NID2: variants seen among roughly 807,000 people sequenced by gnomAD.
NID2 encodes the protein nidogen-2.
Under a neutral mutation model 145.4 loss-of-function variants are expected in NID2, and 83 were observed. The observed-to-expected ratio is 0.57, with a 90% CI of 0.48 to 0.69. The LOEUF is 0.69. Among genes scored for constraint, NID2 ranks in the 30% least tolerant of loss-of-function variants. The pLI, the probability that NID2 is intolerant of heterozygous loss-of-function variation, is 0.00. For missense variants in NID2, 1,807 were observed against 1,765.7 expected, an observed-to-expected ratio of 1.02 and a Z score of -0.42; for synonymous variants, 739 against 701.3, an observed-to-expected ratio of 1.05 and a Z score of -0.85.
intron 5 of NID2, among the ~76,000 whole-genome samples, chr14:52,048,226 C>T (rs915416870): frequency 2.6e-5 from 4 of 152,208 alleles, no homozygotes; most frequent in Admixed American, 2.0e-4. Flanking sequence ...TTTGGGCATC[C>T]ATCCACAAGA....
In NID2 at chr14:52,042,339, G is replaced by A. The variant is rs565384688; in HGVS notation, c.1591C>T (p.Arg531Ter). 6 of 1,610,226 alleles carry A rather than the reference G, an allele frequency of 3.7e-6. No homozygotes were observed. The African/African-American group carries it at 4.0e-5, about 11-fold the overall frequency. Residue 531 changes from arginine to a stop codon, truncating the protein, a stop_gained, in exon 7 of 22, where the codon CGA becomes TGA. Coordinates refer to ENST00000216286, the MANE Select transcript of NID2 (RefSeq NM_007361.4). LOFTEE classifies it high-confidence loss of function. ...TGGCCACTCACTTTCCCATTCACTC[G>A]GTGAGGTGCCCCTAAAAGACAGCAA... Reference protein sequence around the residue: ...KHCLPEGAPHRVNGKVSGHLH... With the variant: ...KHCLPEGAPH
intron 1 of NID2, 68 bp downstream of exon 1, chr14:52,068,699 A>G: frequency 7.2e-7 from 1 of 1,396,566 alleles, no homozygotes; most frequent in African/African-American, 1.4e-5. Flanking sequence ...CTCTGGAGGC[A>G]GGGTTTCCGT....
rs769405172 is a variant in NID2 at position 52,042,901 on chromosome 14, G to T, written c.1460C>A (p.Thr487Asn). The T allele has an allele frequency of 6.2e-7, 1 of 1,614,188 alleles. No homozygotes were observed. Among genetic ancestry groups the T allele is most frequent in the Non-Finnish European group, 8.5e-7 (1 of 1,180,034 alleles). ...VFTYNAANKETCEHNHRQCSR... is the reference protein window; with the variant it reads ...VFTYNAANKENCEHNHRQCSR... ...GCATTGTCTGTGGTTGTGTTCACAGGTTTCCTTGTTGGCAGCATTATACGT... is the reference window on the plus strand; with the variant it reads ...GCATTGTCTGTGGTTGTGTTCACAGTTTTCCTTGTTGGCAGCATTATACGT... The change falls in exon 6 of 22, where the codon ACC becomes AAC. Residue 487 changes from threonine to asparagine, a missense_variant. By Grantham distance (65) the Thr-to-Asn change is moderately conservative. Transcript: ENST00000216286.
chr14:52,014,038 C>T, intron 16 of NID2: 1 of 553,096 alleles, frequency 1.8e-6, no homozygotes, highest in Non-Finnish European at 3.3e-6. Flanking sequence ...CTCTAAAGTT[C>T]CCTTTCCATA....
chr14:52,024,922 TCAAAGCATG>T (rs1244872077), intron 12 of NID2, among the ~76,000 whole-genome samples: 1 of 152,122 alleles, frequency 6.6e-6, no homozygotes, highest in African/African-American at 2.4e-5. Context: ...GTAGAAGTGA[TCAAAGCATG>T]CAGCATCTAA....
intron 16 of NID2, among the ~76,000 whole-genome samples, chr14:52,013,970 AGGGTAAGAGTC>A (rs1249009276): frequency 1.3e-5 from 2 of 152,228 alleles, no homozygotes; most frequent in East Asian, 1.9e-4. Flanking sequence ...CTGGGGACTT[AGGGTAAGAGTC>A]GGTCCATTTT....
chr14:52,013,611 C>CT (rs1248285296), intron 16 of NID2, among the ~76,000 whole-genome samples: 4 of 151,956 alleles, frequency 2.6e-5, no homozygotes, highest in African/African-American at 7.3e-5. Context: ...GACAGCCACC[C>CT]TTTTTTTTCC....
Position 52,053,715 on chromosome 14 carries a change from C to A in NID2, c.1293G>T (p.Ser431=), listed in dbSNP as rs148539254. 4 of 1,614,082 alleles carry A rather than the reference C, an allele frequency of 2.5e-6. No individual in the cohort carries two copies. The highest frequency in any genetic ancestry group is 3.4e-6 in the Non-Finnish European group (4 of 1,180,042). The change falls in exon 5 of 22, where the codon TCG becomes TCT. Residue 431 remains serine, a synonymous_variant. Transcript: ENST00000216286. ...GATGAGCTGGGGGAACATCCATTTC[C>A]GAAGGCACTGGCCCTCCATCTGGGT... The part of the protein sequence containing the change: ...QPYPDGGPVP[S]EMDVPPAHPE...
Position 52,007,856 on chromosome 14 carries a change from G to A in NID2, c.3834C>T (p.Gly1278=). The A allele has an allele frequency of 6.2e-7, 1 of 1,613,904 alleles. No individual in the cohort carries two copies. The highest frequency in any genetic ancestry group is 8.5e-7 in the Non-Finnish European group (1 of 1,179,882). ...LINTDIGLPN[G]LTFDPFSKLL... is the part of the protein sequence containing the mutation. Reference sequence around the variant, plus strand: ...GTTTAGAGAAAGGGTCAAAGGTTAAGCCATTGGGCAATCCAATGTCTGTAT... The same window carrying A: ...GTTTAGAGAAAGGGTCAAAGGTTAAACCATTGGGCAATCCAATGTCTGTAT... Residue 1278 remains glycine (G), a synonymous_variant, in exon 19 of 22, where the codon GGC becomes GGT. Transcript: ENST00000216286.
At chr14:52,043,014 T>C (rs957358063) in intron 5 of NID2, 83 bp from the exon 6 acceptor site, 7 of 1,340,432 alleles carry the variant, frequency 5.2e-6, no homozygotes, top group East Asian at 2.3e-5. Context: ...ATCTGCTCCA[T>C]AGAAGCAGTT....
At chr14:52,056,783 C>T (rs1333631426) in intron 3 of NID2, among the ~76,000 whole-genome samples, 5 of 152,126 alleles carry the variant, frequency 3.3e-5, no homozygotes, top group African/African-American at 1.2e-4. Flanking sequence ...CAGAACGAGA[C>T]TCCATCTCAA....
intron 18 of NID2, 72 bp downstream of exon 18, chr14:52,010,804 A>G: frequency 6.8e-7 from 1 of 1,468,444 alleles, no homozygotes; most frequent in Non-Finnish European, 9.4e-7. Flanking sequence ...CCTTCCCCAC[A>G]TTGTATTTAA....
chr14:52,038,656 C>T (rs1892160692), intron 9 of NID2, 91 bp downstream of exon 9: 9 of 955,886 alleles, frequency 9.4e-6, no homozygotes, highest in South Asian at 3.7e-5. Context: ...CACAGCATGG[C>T]ACTAGGTAAC....
intron 14 of NID2, among the ~76,000 whole-genome samples, chr14:52,018,063 C>A (rs537558280): frequency 1.3e-5 from 2 of 152,150 alleles, no homozygotes; most frequent in African/African-American, 2.4e-5. Context: ...GTGATCCACC[C>A]GCCTCGGCCT....
chr14:52,057,099 G>A (rs1212537350), intron 3 of NID2, among the ~76,000 whole-genome samples: 1 of 152,164 alleles, frequency 6.6e-6, no homozygotes, highest in African/African-American at 2.4e-5. Context: ...GCATAGTGGT[G>A]TGATTGATCA....
Position 52,038,042 on chromosome 14 carries a change from G to A in NID2, c.2257+705C>T, listed in dbSNP as rs192606186. 2.1e-3 allele frequency among the ~76,000 whole-genome samples: 327 copies of A among 152,288 alleles called. 2 individuals are homozygous for A. Among genetic ancestry groups the A allele is most frequent in the Non-Finnish European group, 2.7e-3 (186 of 68,012 alleles). On this transcript the variant is annotated intron_variant, in intron 9 of 21. Transcript: ENST00000216286. ...AGATTTTCTACACAAAATGTCATCT[G>A]AGACTAATTTTACTTTGTCCTTTTC...
At chr14:52,006,744 G>A in intron 19 of NID2, 84 bp from the exon 20 acceptor site, 1 of 1,430,928 alleles carries the variant, frequency 7.0e-7, no homozygotes, top group Non-Finnish European at 9.7e-7. Context: ...CACAGTGATA[G>A]AATGGGGAAA....
chr14:52,038,736 G>A lies in NID2; in HGVS notation c.2257+11C>T, dbSNP rs549117087. On this transcript the variant is annotated intron_variant, in intron 9 of 21. Coordinates refer to ENST00000216286, the MANE Select transcript of NID2 (RefSeq NM_007361.4). Reference sequence around the variant, plus strand: ...GTCATTTTTACCCAACAACAAAAAAGGAAACCTTACCTTTGACCGGGCCAA... The same window carrying A: ...GTCATTTTTACCCAACAACAAAAAAAGAAACCTTACCTTTGACCGGGCCAA... The A allele has an allele frequency of 3.5e-5, 54 of 1,539,066 alleles. No homozygotes were observed. Among genetic ancestry groups the A allele is most frequent in the Non-Finnish European group, 4.6e-5 (53 of 1,144,886 alleles).
At chr14:52,041,859 A>C (rs1892291206) in intron 7 of NID2, among the ~76,000 whole-genome samples, 1 of 152,244 alleles carries the variant, frequency 6.6e-6, no homozygotes, top group Non-Finnish European at 1.5e-5. Flanking sequence ...AATGTTCTGA[A>C]TGGAATCATC....
Sources: allele counts gnomAD v4.1 joint callset (sites outside exome capture counted in the v4.1 genomes callset), GRCh38; gene constraint gnomAD v4.1.1; transcripts MANE v1.5; gene names NCBI Gene and HGNC (gene_info 2026-07-23, HGNC 2026-07-21).